The following SLC1A2 variants were observed in gnomAD, a reference collection of about 807,000 sequenced individuals.
The protein encoded by SLC1A2 is solute carrier family 1 member 2.
Under a neutral mutation model 48.8 loss-of-function variants are expected in SLC1A2, and 15 were observed. The observed-to-expected ratio is 0.31, with a 90% CI of 0.21 to 0.47. SLC1A2 has a LOEUF of 0.47. Ranked by LOEUF, SLC1A2 falls within the 20% of genes least tolerant of loss-of-function variation. The pLI is 0.99. For missense variants in SLC1A2, 502 were observed against 730.5 expected (o/e 0.69, Z 3.61); for synonymous variants, 279 against 272.6 (o/e 1.02, Z -0.23).
rs566135492 is a variant in SLC1A2, at chr11:35,314,924, C to T, written c.310+99G>A. ...AAGCTCTGAAATGAAATGACATAGACGATCACATTCACTCAACCAAATTGA... is the reference window on the plus strand; with the variant it reads ...AAGCTCTGAAATGAAATGACATAGATGATCACATTCACTCAACCAAATTGA... On this transcript the variant is annotated intron_variant, in intron 3 of 10. Coordinates refer to ENST00000278379, the MANE Select transcript of SLC1A2 (RefSeq NM_004171.4). The T allele has an allele frequency of 1.9e-4, 149 of 799,796 alleles. No homozygotes were observed. The East Asian group carries it at 2.3e-3, about 12-fold the overall frequency. The allele number at this position is 799,796 out of a possible 1,614,324, so 49.5% of individuals were successfully genotyped here.
chr11:35,376,269 G>A (rs1316344829), intron 1 of SLC1A2, among the ~76,000 whole-genome samples: 1 of 152,110 alleles, frequency 6.6e-6, no homozygotes, highest in African/African-American at 2.4e-5. Flanking sequence ...TCTCAGATGG[G>A]AGGAAGCTAC....
intron 1 of SLC1A2, among the ~76,000 whole-genome samples, chr11:35,368,427 CTT>C (rs1194918658): frequency 6.6e-6 from 1 of 152,192 alleles, no homozygotes; most frequent in Admixed American, 6.5e-5. Flanking sequence ...CTCCTAAAGA[CTT>C]TCAAAAAATG....
intron 6 of SLC1A2, among the ~76,000 whole-genome samples, chr11:35,297,337 C>T (rs1851205901): frequency 6.6e-6 from 1 of 152,094 alleles, no homozygotes; most frequent in Admixed American, 6.5e-5. Context: ...TCCACTGCCC[C>T]CACCTTGCTC....
At chr11:35,396,699 A>AT (rs1305103454) in intron 1 of SLC1A2, among the ~76,000 whole-genome samples, 2 of 151,722 alleles carry the variant, frequency 1.3e-5, no homozygotes, top group East Asian at 3.9e-4. Context: ...CCATTTGTCA[A>AT]TTTTTTCTTT....
chr11:35,399,857 A>G (rs1484474493), intron 1 of SLC1A2, among the ~76,000 whole-genome samples: 3 of 152,224 alleles, frequency 2.0e-5, no homozygotes, highest in Non-Finnish European at 2.9e-5. Context: ...CAATTTCAAC[A>G]TAGGGTGATG....
intron 1 of SLC1A2, among the ~76,000 whole-genome samples, chr11:35,371,830 T>C (rs879463972): frequency 6.6e-6 from 1 of 152,208 alleles, no homozygotes; most frequent in Non-Finnish European, 1.5e-5. Flanking sequence ...TCCTAGGTGA[T>C]TCTTAAACAC....
chr11:35,299,277 T>A (rs1483489502), intron 6 of SLC1A2: 1 of 152,240 alleles, frequency 6.6e-6, no homozygotes, highest in African/African-American at 2.4e-5. Context: ...AGGCGGAGGT[T>A]GCAGTGAGCT....
At chr11:35,413,604 G>A (rs968136298) in intron 1 of SLC1A2, 2 of 152,024 alleles carry the variant, frequency 1.3e-5, no homozygotes, top group African/African-American at 4.8e-5. Flanking sequence ...AAGTATAGGT[G>A]AACAATTAAA....
chr11:35,260,999 G>A (rs1320136976), intron 10 of SLC1A2, 34 bp from the exon 11 acceptor site: 1 of 1,551,110 alleles, frequency 6.4e-7, no homozygotes, highest in Non-Finnish European at 8.9e-7. Context: ...CCAGCTTACA[G>A]ACCACGAACC....
At position 35,267,346 on chromosome 11, in the gene SLC1A2, A is replaced by G. The variant is rs188748485; in HGVS notation, c.1422-1588T>C. Among the ~76,000 whole-genome samples, 32 of 152,318 alleles carry G rather than the reference A, an allele frequency of 2.1e-4. 1 individual carries two copies. Among genetic ancestry groups the G allele is most frequent in the African/African-American group, 7.0e-4 (29 of 41,552 alleles). On this transcript the variant is annotated intron_variant, in intron 9 of 10. Coordinates refer to ENST00000278379, the MANE Select transcript of SLC1A2 (RefSeq NM_004171.4). ...CTTAGTTGCCTCGTTTATAAAATGA[A>G]AATAATAAAAATCTCCAATACATAA...
At chr11:35,262,758 G>A (rs1284708386) in intron 10 of SLC1A2, among the ~76,000 whole-genome samples, 1 of 152,206 alleles carries the variant, frequency 6.6e-6, no homozygotes, top group Non-Finnish European at 1.5e-5. Context: ...CCTTCACTAA[G>A]CTGAACCCAA....
chr11:35,334,536 A>G (rs935159090), intron 1 of SLC1A2, among the ~76,000 whole-genome samples: 4 of 152,222 alleles, frequency 2.6e-5, no homozygotes, highest in African/African-American at 9.6e-5. Context: ...GTGATGCGTC[A>G]TCTCACCTTC....
chr11:35,388,165 G>A (rs1164768301), intron 1 of SLC1A2, among the ~76,000 whole-genome samples: 2 of 152,158 alleles, frequency 1.3e-5, no homozygotes, highest in Non-Finnish European at 2.9e-5. Context: ...TAGGGGAGTA[G>A]GGTTTACCCA....
At chr11:35,261,337 C>T (rs1358785251) in intron 10 of SLC1A2, among the ~76,000 whole-genome samples, 1 of 152,202 alleles carries the variant, frequency 6.6e-6, no homozygotes. Flanking sequence ...AAATCCAGAA[C>T]TAGGTATCTA....
intron 1 of SLC1A2, among the ~76,000 whole-genome samples, chr11:35,383,628 T>G (rs1363350364): frequency 6.6e-6 from 1 of 152,226 alleles, no homozygotes; most frequent in Non-Finnish European, 1.5e-5. Flanking sequence ...GGGGTTGTTC[T>G]GAAGATCACA....
intron 1 of SLC1A2, among the ~76,000 whole-genome samples, chr11:35,367,668 C>T (rs193079575): frequency 5.9e-5 from 9 of 152,316 alleles, no homozygotes; most frequent in South Asian, 2.1e-4. Context: ...TTATGATCCA[C>T]GTGCTACCAT....
At chr11:35,335,555 G>T (rs914844217) in intron 1 of SLC1A2, among the ~76,000 whole-genome samples, 2 of 152,174 alleles carry the variant, frequency 1.3e-5, no homozygotes, top group African/African-American at 4.8e-5. Flanking sequence ...GCTCAGGAAA[G>T]GATTTTTAAT....
rs1048442941 is a variant in SLC1A2 at position 35,309,023 on chromosome 11, A to G, written c.562-2781T>C. Among the ~76,000 whole-genome samples the G allele has an allele frequency of 2.6e-5, 4 of 152,078 alleles. No homozygotes were observed. In the East Asian group the frequency reaches 7.7e-4, roughly 29 times the overall value. On this transcript the variant is annotated intron_variant, in intron 4 of 10. Transcript: ENST00000278379. ...GCCTCCTTTTTCTTTTCTGAACATT[A>G]TAAGTACTTTTCAGCTTCTGCATAT...
At chr11:35,321,196 T>C (rs923312213) in intron 1 of SLC1A2, among the ~76,000 whole-genome samples, 3 of 152,168 alleles carry the variant, frequency 2.0e-5, no homozygotes, top group Non-Finnish European at 4.4e-5. Context: ...TGAGGGTAAC[T>C]GCCCCCATGA....
Sources: allele counts gnomAD v4.1 joint callset (sites outside exome capture counted in the v4.1 genomes callset), GRCh38; gene constraint gnomAD v4.1.1; transcripts MANE v1.5; gene names NCBI Gene and HGNC (gene_info 2026-07-23, HGNC 2026-07-21).